AFTPH: variants seen among roughly 807,000 people sequenced by gnomAD.
AFTPH encodes aftiphilin protein.
In AFTPH, 7 loss-of-function variants were observed where a neutral mutation model predicts 72.5. The observed-to-expected ratio is 0.10, with a 90% CI of 0.05 to 0.18. The LOEUF (loss-of-function observed/expected upper bound fraction) is 0.18. Among genes scored for constraint, AFTPH ranks in the 10% least tolerant of loss-of-function variants. The pLI is 1.00. For synonymous variants in AFTPH, 337 were observed against 370.1 expected, an observed-to-expected ratio of 0.91 and a Z score of 1.03; for missense variants, 979 against 1,060.5, an observed-to-expected ratio of 0.92 and a Z score of 1.07.
At chr2:64,538,552 G>A (rs1291346582) in intron 1 of AFTPH, among the ~76,000 whole-genome samples, 1 of 152,158 alleles carries the variant, frequency 6.6e-6, no homozygotes, top group Non-Finnish European at 1.5e-5. Flanking sequence ...AAAATATCAT[G>A]TGTGCTATTA....
At chr2:64,586,160 C>T (rs1573049409) in intron 8 of AFTPH, among the ~76,000 whole-genome samples, 1 of 152,294 alleles carries the variant, frequency 6.6e-6, no homozygotes, top group East Asian at 1.9e-4. Flanking sequence ...TATGATTAGG[C>T]TAGTACAATC....
intron 2 of AFTPH, among the ~76,000 whole-genome samples, chr2:64,561,817 T>G (rs1671761707): frequency 6.6e-6 from 1 of 152,246 alleles, no homozygotes; most frequent in Non-Finnish European, 1.5e-5. Context: ...GCACTGACTC[T>G]TTAGTAAGAA....
intron 1 of AFTPH, among the ~76,000 whole-genome samples, chr2:64,540,438 T>TG (rs1670170944): frequency 6.6e-6 from 1 of 152,166 alleles, no homozygotes; most frequent in Admixed American, 6.5e-5. Flanking sequence ...TCTAATATTT[T>TG]TATCTTGTTT....
rs1192725527 is a variant in AFTPH at position 64,551,782 on chromosome 2, A to G, written c.308A>G (p.Gln103Arg). ...GAACTTTCTGCTCCTGTGAAAGGAC[A>G]GTCTGATGTTTTACTTTCTACCACC... Residue 103 changes from glutamine (Q) to arginine (R), a missense_variant, in exon 2 of 9, where the codon CAG becomes CGG. Transcript: ENST00000238856. 6.8e-6 allele frequency: 11 copies of G among 1,613,482 alleles called. No individual in the cohort carries two copies. The highest frequency in any genetic ancestry group is 8.5e-6 in the Non-Finnish European group (10 of 1,179,502).
At chr2:64,540,122 T>C (rs1472984531) in intron 1 of AFTPH, among the ~76,000 whole-genome samples, 3 of 152,156 alleles carry the variant, frequency 2.0e-5, no homozygotes, top group Admixed American at 6.6e-5. Flanking sequence ...GGACATGAAA[T>C]CAAAGCAGTT....
chr2:64,583,072 T>C (rs1288759285), intron 7 of AFTPH, among the ~76,000 whole-genome samples: 1 of 152,234 alleles, frequency 6.6e-6, no homozygotes, highest in East Asian at 1.9e-4. Flanking sequence ...TATATTTGCT[T>C]TGGCTTCTTT....
chr2:64,547,960 T>G (rs971383067), intron 1 of AFTPH, among the ~76,000 whole-genome samples: 8 of 151,808 alleles, frequency 5.3e-5, no homozygotes, highest in African/African-American at 1.7e-4. Flanking sequence ...AATATTTTGT[T>G]TTTTTTGTAA....
At chr2:64,555,598 CAA>C (rs1220178360) in intron 2 of AFTPH, among the ~76,000 whole-genome samples, 5 of 144,804 alleles carry the variant, frequency 3.5e-5, no homozygotes, top group Admixed American at 1.4e-4. Flanking sequence ...CACACACACA[CAA>C]GACTTTCTTG....
intron 1 of AFTPH, 128 bp downstream of exon 1, chr2:64,524,740 G>C: frequency 5.5e-6 from 2 of 366,074 alleles, no homozygotes; most frequent in Non-Finnish European, 9.7e-6. Flanking sequence ...GGAGCTGTGA[G>C]GACGGAGCTG....
intron 1 of AFTPH, among the ~76,000 whole-genome samples, chr2:64,525,281 G>C (rs886664925): frequency 6.6e-6 from 1 of 152,350 alleles, no homozygotes; most frequent in African/African-American, 2.4e-5. Flanking sequence ...GGCAGGTGCT[G>C]CGTCTTGCTT....
intron 1 of AFTPH, among the ~76,000 whole-genome samples, chr2:64,526,322 A>C (rs1027421296): frequency 6.6e-6 from 1 of 152,190 alleles, no homozygotes; most frequent in Non-Finnish European, 1.5e-5. Context: ...ATAATGTTTT[A>C]TTTTGTGTGA....
chr2:64,525,200 A>G (rs1430123565), intron 1 of AFTPH, among the ~76,000 whole-genome samples: 1 of 152,114 alleles, frequency 6.6e-6, no homozygotes, highest in Non-Finnish European at 1.5e-5. Context: ...TGCACTCTTC[A>G]AGAAATTATC....
chr2:64,544,288 A>G (rs1440045782), intron 1 of AFTPH, among the ~76,000 whole-genome samples: 4 of 152,168 alleles, frequency 2.6e-5, no homozygotes, highest in Non-Finnish European at 5.9e-5. Context: ...TTGCTACCCA[A>G]TTATGAGACC....
intron 1 of AFTPH, among the ~76,000 whole-genome samples, chr2:64,532,890 A>G (rs1669703302): frequency 6.6e-6 from 1 of 152,226 alleles, no homozygotes; most frequent in South Asian, 2.1e-4. Flanking sequence ...TTTATTTTGT[A>G]GCCCACTTTG....
At chr2:64,533,736 G>A (rs1054662654) in intron 1 of AFTPH, among the ~76,000 whole-genome samples, 5 of 151,938 alleles carry the variant, frequency 3.3e-5, no homozygotes, top group Admixed American at 3.3e-4. Context: ...CAGTTAGGGT[G>A]GAAGTGAAGA....
At chr2:64,541,167 C>T (rs1243118887) in intron 1 of AFTPH, among the ~76,000 whole-genome samples, 1 of 152,048 alleles carries the variant, frequency 6.6e-6, no homozygotes, top group Non-Finnish European at 1.5e-5. Flanking sequence ...TGAGATAACT[C>T]ACGAGTTCTC....
intron 2 of AFTPH, among the ~76,000 whole-genome samples, chr2:64,567,295 T>G (rs1182732128): frequency 6.6e-6 from 1 of 152,226 alleles, no homozygotes; most frequent in Non-Finnish European, 1.5e-5. Context: ...TGTAATAGAT[T>G]AAGATAATGC....
At chr2:64,554,461 C>T (rs912244347) in intron 2 of AFTPH, among the ~76,000 whole-genome samples, 2 of 152,188 alleles carry the variant, frequency 1.3e-5, no homozygotes, top group African/African-American at 4.8e-5. Context: ...TCAGAATCTA[C>T]AAACTTTATT....
exon 9 of AFTPH, chr2:64,592,140 A>G: frequency 1.8e-6 from 2 of 1,086,006 alleles, no homozygotes; most frequent in Non-Finnish European, 2.5e-6. Context: ...AAAAAATTCA[A>G]GTTCAGCTGA....
Sources: gnomAD v4.1 joint callset for allele counts (sites outside exome capture counted in the v4.1 genomes callset) on GRCh38, gnomAD v4.1.1 for gene constraint, MANE v1.5 for transcripts, NCBI Gene and HGNC (gene_info 2026-07-23, HGNC 2026-07-21) for gene names.